Variants in SLC9A7 observed in about 807,000 individuals in gnomAD.
SLC9A7 encodes the protein solute carrier family 9 member A7, also known as sodium/hydrogen exchanger 7.
SLC9A7 carries 19 observed loss-of-function variants against 52.6 expected under a neutral mutation model. The ratio of observed to expected loss-of-function variants is 0.36; its 90% CI spans 0.25 to 0.53. SLC9A7 has a LOEUF of 0.53. Among genes scored for constraint, SLC9A7 ranks in the 20% least tolerant of loss-of-function variants. The pLI is 0.91. For missense variants in SLC9A7, 455 were observed against 597.9 expected, an observed-to-expected ratio of 0.76 and a Z score of 2.49; for synonymous variants, 226 against 252.1, an observed-to-expected ratio of 0.90 and a Z score of 0.98.
intron 1 of SLC9A7, among the ~76,000 whole-genome samples, chrX:46,711,923 C>CACACACACACAG (rs1456357740): frequency 9.1e-6 from 1 of 110,290 alleles, no homozygotes; most frequent in African/African-American, 3.3e-5. Flanking sequence ...CACACACACA[C>CACACACACACAG]ACACACACAC....
At chrX:46,610,051 G>A (rs1942823205) in intron 16 of SLC9A7, among the ~76,000 whole-genome samples, 1 of 112,201 alleles carries the variant, frequency 8.9e-6, no homozygotes, top group Non-Finnish European at 1.9e-5. Flanking sequence ...CATGGAGAGT[G>A]ATTCTGACAT....
intron 3 of SLC9A7, among the ~76,000 whole-genome samples, chrX:46,673,892 C>CGAATGAG (rs984909779): frequency 2.1e-4 from 24 of 112,363 alleles, no homozygotes; most frequent in Non-Finnish European, 2.3e-4. Flanking sequence ...TGACAGGCAC[C>CGAATGAG]GAATGAGGGT....
intron 1 of SLC9A7, among the ~76,000 whole-genome samples, chrX:46,724,810 A>G (rs981337684): frequency 8.0e-5 from 9 of 112,021 alleles, no homozygotes; most frequent in Non-Finnish European, 1.5e-4. Context: ...TTATCAGGTC[A>G]TTTTGAGACT....
intron 10 of SLC9A7, among the ~76,000 whole-genome samples, chrX:46,649,856 C>T (rs183872691): frequency 6.2e-5 from 7 of 112,785 alleles, no homozygotes; most frequent in Admixed American, 4.7e-4. Flanking sequence ...GCAGAGGACC[C>T]GGCTTGGCCT....
chrX:46,669,009 T>C (rs944029331), intron 5 of SLC9A7, among the ~76,000 whole-genome samples: 1 of 108,857 alleles, frequency 9.2e-6, no homozygotes, highest in Non-Finnish European at 1.9e-5. Context: ...CTACTAAAAA[T>C]ACAAAAAAAT....
At chrX:46,622,039 G>T (rs1303286653) in intron 14 of SLC9A7, among the ~76,000 whole-genome samples, 4 of 112,033 alleles carry the variant, frequency 3.6e-5, no homozygotes, top group African/African-American at 1.3e-4. Flanking sequence ...ATTAATCAAA[G>T]ATCTTTGAGA....
chrX:46,725,333 G>A (rs879155895), intron 1 of SLC9A7: 4 of 1,170,565 alleles, frequency 3.4e-6, no homozygotes, highest in East Asian at 3.0e-5. Context: ...TTGCTTCTAG[G>A]TCATCTTCAT....
At chrX:46,674,225 A>G (rs1944072379) in intron 3 of SLC9A7, among the ~76,000 whole-genome samples, 1 of 111,648 alleles carries the variant, frequency 9.0e-6, no homozygotes, top group Non-Finnish European at 1.9e-5. Context: ...AATTAGATAA[A>G]TACATATTCA....
rs1489265326 is a variant in SLC9A7, at chrX:46,600,336, T to C, written c.*6616A>G. On this transcript the variant is annotated 3_prime_UTR_variant, in exon 17 of 17. Transcript: ENST00000616978. The stretch of plus-strand genomic sequence containing the variant: ...TCCAACATATACAGGCCCAGACAAT[T>C]TTCCACTGGCCAAGAGCTGACTGTG... The C allele has an allele frequency of 1.8e-5, 2 of 112,031 alleles. No individual in the cohort carries two copies. Among genetic ancestry groups the C allele is most frequent in the Non-Finnish European group, 3.8e-5 (2 of 53,265 alleles). 9.2% of individuals were successfully genotyped at this position (112,031 alleles called of 1,213,427 possible). A position where few individuals can be genotyped will look rare whatever the true frequency, so the allele number is the denominator to read the frequency against.
rs768631880 is a variant in SLC9A7 at position 46,607,090 on chromosome X, G to A, written c.2043C>T (p.Thr681=). 32 of 1,209,486 alleles carry A rather than the reference G, an allele frequency of 2.6e-5. No homozygotes were observed. Among genetic ancestry groups the A allele is most frequent in the Admixed American group, 2.0e-4 (9 of 45,735 alleles). ...VTANGSSSSH[T]ASTSLEGSRR... ...GGCTGCCCTCCAGACTCGTGGAGGC[G>A]GTGTGCGAACTTGAGGAGCCATTTG... Residue 681 remains threonine, a synonymous_variant, in exon 17 of 17, where the codon ACC becomes ACT. Transcript: ENST00000616978.
rs148004633 is a variant in SLC9A7 at position 46,677,858 on chromosome X, T to C, written c.603+1820A>G. Among the ~76,000 whole-genome samples, 22 of 112,467 alleles carry C rather than the reference T, an allele frequency of 2.0e-4. No individual in the cohort carries two copies. In the East Asian group the frequency reaches 5.0e-3, roughly 26 times the overall value. On this transcript the variant is annotated intron_variant, in intron 3 of 16. Transcript: ENST00000616978. ...CCATATGGGTGTGTGGAAAGGTTTT[T>C]CATTATAAACTCAATTTCTTTAATA...
intron 14 of SLC9A7, among the ~76,000 whole-genome samples, chrX:46,622,025 A>G (rs1943054070): frequency 3.8e-5 from 1 of 26,018 alleles, no homozygotes; most frequent in Admixed American, 3.6e-4. Flanking sequence ...GGCAACATCA[A>G]ATAATTAATC....
In SLC9A7 at chrX:46,600,045, A is replaced by T. The variant is rs1280905550; in HGVS notation, c.*6907T>A. 3.6e-5 allele frequency: 4 copies of T among 112,137 alleles called. No homozygotes were observed. The highest frequency in any genetic ancestry group is 9.7e-5 in the African/African-American group (3 of 30,832). 9.2% of individuals were successfully genotyped at this position (112,137 alleles called of 1,213,427 possible). ...AAAAACAAAAGGACAACTTAGGAGG[A>T]GCTGGCCCTACTATGAAGTCACACT... is the stretch of plus-strand genomic sequence containing the variant. On this transcript the variant is annotated 3_prime_UTR_variant, in exon 17 of 17. Coordinates refer to ENST00000616978, the MANE Select transcript of SLC9A7 (RefSeq NM_001257291.2).
intron 7 of SLC9A7, among the ~76,000 whole-genome samples, chrX:46,659,174 C>T (rs1807131707): frequency 8.9e-6 from 1 of 111,955 alleles, no homozygotes; most frequent in Admixed American, 9.5e-5. Flanking sequence ...AACTCAACAA[C>T]CTTCATGCTA....
intron 1 of SLC9A7, among the ~76,000 whole-genome samples, chrX:46,737,461 T>G (rs1476944058): frequency 8.9e-6 from 1 of 112,243 alleles, no homozygotes; most frequent in East Asian, 2.8e-4. Context: ...CTCCTGATTT[T>G]GGGTTAATCA....
At chrX:46,671,171 T>A (rs183770162) in intron 4 of SLC9A7, among the ~76,000 whole-genome samples, 1 of 112,292 alleles carries the variant, frequency 8.9e-6, no homozygotes, top group East Asian at 2.8e-4. Flanking sequence ...ATGTCCTTTT[T>A]CTGTTCCAGG....
chrX:46,675,252 C>A (rs1944100545), intron 3 of SLC9A7, among the ~76,000 whole-genome samples: 1 of 110,399 alleles, frequency 9.1e-6, no homozygotes. Flanking sequence ...GTCAGAAAGC[C>A]CAGGTCTGCA....
chrX:46,673,645 T>C (rs1229349255), intron 3 of SLC9A7, among the ~76,000 whole-genome samples: 1 of 112,176 alleles, frequency 8.9e-6, no homozygotes, highest in Non-Finnish European at 1.9e-5. Context: ...AGCCCCAGCA[T>C]GTCAGCTGAG....
At chrX:46,688,680 G>GAGAATGTTC (rs1944335786) in intron 1 of SLC9A7, among the ~76,000 whole-genome samples, 1 of 109,729 alleles carries the variant, frequency 9.1e-6, no homozygotes, top group Admixed American at 9.7e-5. Flanking sequence ...ACCTGTTTTA[G>GAGAATGTTC]AGAATGTTCA....
Sources: gnomAD v4.1 joint callset for allele counts (sites outside exome capture counted in the v4.1 genomes callset) on GRCh38, gnomAD v4.1.1 for gene constraint, MANE v1.5 for transcripts, NCBI Gene and HGNC (gene_info 2026-07-23, HGNC 2026-07-21) for gene names.